Variants in PIBF1 observed in about 807,000 individuals in gnomAD.
PIBF1 encodes progesterone-induced-blocking factor 1.
In PIBF1, 90 loss-of-function variants were observed where a neutral mutation model predicts 112.5. The ratio of observed to expected loss-of-function variants is 0.80; its 90% CI spans 0.67 to 0.95. The LOEUF (loss-of-function observed/expected upper bound fraction) is 0.95, where lower values mean the gene tolerates loss of function less well. Ranked by LOEUF, PIBF1 falls within the 40% of genes least tolerant of loss-of-function variation. PIBF1 has a pLI of 0.00. For missense variants in PIBF1, 915 were observed against 852.3 expected, an observed-to-expected ratio of 1.07 and a Z score of -0.92; for synonymous variants, 301 against 288.6, an observed-to-expected ratio of 1.04 and a Z score of -0.44.
At chr13:72,790,454 CACACACACACTT>C (rs1253396469) in intron 2 of PIBF1, among the ~76,000 whole-genome samples, 5 of 149,132 alleles carry the variant, frequency 3.4e-5, no homozygotes, top group Non-Finnish European at 7.4e-5. Flanking sequence ...CACACACACA[CACACACACACTT>C]ATAGATAGAT....
chr13:72,875,567 G>A (rs1231003556), intron 10 of PIBF1, among the ~76,000 whole-genome samples: 1 of 152,156 alleles, frequency 6.6e-6, no homozygotes, highest in Non-Finnish European at 1.5e-5. Context: ...CAGTGAATGA[G>A]AATTCCTGTT....
intron 10 of PIBF1, among the ~76,000 whole-genome samples, chr13:72,885,686 A>G (rs1182465359): frequency 2.0e-5 from 3 of 152,202 alleles, no homozygotes; most frequent in East Asian, 3.9e-4. Context: ...TCCAGAACTC[A>G]ACATGCCCAA....
intron 9 of PIBF1, 33 bp downstream of exon 9, chr13:72,835,401 ATTT>A (rs758936653): frequency 6.7e-7 from 1 of 1,496,454 alleles, no homozygotes; most frequent in Admixed American, 2.3e-5. Flanking sequence ...ATGGTATTTT[ATTT>A]ATCTTTGGAG....
chr13:72,884,749 A>G (rs1346573605), intron 10 of PIBF1: 2 of 152,140 alleles, frequency 1.3e-5, no homozygotes, highest in Non-Finnish European at 2.9e-5. Context: ...TAATTATAAC[A>G]TAATATGTGT....
rs1224961748 is a variant in PIBF1 at position 72,854,205 on chromosome 13, G to A, written c.1322+50G>A. On this transcript the variant is annotated intron_variant, in intron 10 of 17. Coordinates refer to ENST00000326291, the MANE Select transcript of PIBF1 (RefSeq NM_006346.4). ...TTAAAACTCTTCCATTATTGTTTCTGTTACATATTCTTTTAGAAAATGTAT... is the reference window on the plus strand; with the variant it reads ...TTAAAACTCTTCCATTATTGTTTCTATTACATATTCTTTTAGAAAATGTAT... 4.3e-6 allele frequency: 5 copies of A among 1,159,538 alleles called. No homozygotes were observed. In the Admixed American group the frequency reaches 7.1e-5, roughly 17 times the overall value. The allele number at this position is 1,159,538 out of a possible 1,614,324, so 71.8% of individuals were successfully genotyped here.
At chr13:73,012,122 C>T (rs111537727) in intron 17 of PIBF1, among the ~76,000 whole-genome samples, 19,298 of 152,106 alleles carry the variant, frequency 0.13, 1,606 homozygotes, top group Non-Finnish European at 0.18. Context: ...GAGGCCGAGG[C>T]GAGCAGATCA....
At chr13:72,807,323 TCAG>T (rs2035788938) in intron 5 of PIBF1, among the ~76,000 whole-genome samples, 1 of 152,176 alleles carries the variant, frequency 6.6e-6, no homozygotes, top group South Asian at 2.1e-4. Context: ...GCCTGTAATC[TCAG>T]CACTTTGAGA....
intron 16 of PIBF1, among the ~76,000 whole-genome samples, chr13:72,986,631 C>G (rs2043294954): frequency 1.3e-5 from 2 of 151,320 alleles, no homozygotes; most frequent in Non-Finnish European, 1.5e-5. Context: ...TCTCACTAAG[C>G]CTTCAGTCAT....
chr13:72,972,003 C>CATTCATTTATTT (rs2042904715), intron 15 of PIBF1, among the ~76,000 whole-genome samples: 1 of 138,740 alleles, frequency 7.2e-6, no homozygotes, highest in Non-Finnish European at 1.5e-5. Flanking sequence ...TAGTGGCTTT[C>CATTCATTTATTT]ATTTATTTAT....
chr13:72,846,351 T>G (rs982289685), intron 9 of PIBF1, among the ~76,000 whole-genome samples: 2 of 152,182 alleles, frequency 1.3e-5, no homozygotes, highest in African/African-American at 4.8e-5. Flanking sequence ...TCACGTATAT[T>G]ACCTTGCTTC....
At chr13:72,974,054 T>G in intron 16 of PIBF1, 1 of 235,268 alleles carries the variant, frequency 4.3e-6, no homozygotes, top group Non-Finnish European at 8.1e-6. Context: ...AAAATTATTT[T>G]CTTTTCTTCA....
chr13:72,889,632 C>T (rs1409214542), intron 10 of PIBF1, among the ~76,000 whole-genome samples: 1 of 152,146 alleles, frequency 6.6e-6, no homozygotes, highest in Non-Finnish European at 1.5e-5. Flanking sequence ...ACTTCTCTTG[C>T]CAGTCTACCT....
chr13:72,886,068 A>G (rs1455774528), intron 10 of PIBF1, among the ~76,000 whole-genome samples: 4 of 152,142 alleles, frequency 2.6e-5, no homozygotes, highest in Admixed American at 1.3e-4. Flanking sequence ...TATGTTAACC[A>G]TAGTAAATTC....
chr13:72,806,447 C>T (rs1487635855), intron 5 of PIBF1, among the ~76,000 whole-genome samples: 2 of 151,756 alleles, frequency 1.3e-5, no homozygotes, highest in Non-Finnish European at 2.9e-5. Context: ...CGTAGGTATA[C>T]TCCTGCCATG....
intron 6 of PIBF1, 141 bp from the exon 7 acceptor site, chr13:72,826,869 C>A: frequency 2.2e-6 from 1 of 453,956 alleles, no homozygotes; most frequent in Non-Finnish European, 4.0e-6. Context: ...AAAGTAGGTA[C>A]TTTATAGTTC....
intron 10 of PIBF1, among the ~76,000 whole-genome samples, chr13:72,854,687 T>C (rs1033424408): frequency 2.0e-5 from 3 of 152,190 alleles, no homozygotes; most frequent in African/African-American, 7.2e-5. Context: ...TTTTTGAAAG[T>C]GTGTGTTTTT....
intron 11 of PIBF1, among the ~76,000 whole-genome samples, chr13:72,904,093 A>G (rs985711855): frequency 6.8e-5 from 10 of 147,084 alleles, no homozygotes; most frequent in Admixed American, 6.2e-4. Context: ...TGGGTAAAAG[A>G]TTTTTTTTTT....
At chr13:72,826,731 C>A (rs1168463257) in intron 6 of PIBF1, among the ~76,000 whole-genome samples, 3 of 151,794 alleles carry the variant, frequency 2.0e-5, no homozygotes, top group Non-Finnish European at 4.4e-5. Flanking sequence ...TGAAAAAATA[C>A]CAAATGTATG....
chr13:72,908,847 G>A (rs1271720633), intron 12 of PIBF1, among the ~76,000 whole-genome samples, 166 bp downstream of exon 12: 2 of 148,514 alleles, frequency 1.3e-5, no homozygotes, highest in Non-Finnish European at 1.5e-5. Context: ...TCAGGAGTTC[G>A]AGACCAGCCT....
Sources: gnomAD v4.1 joint callset for allele counts (sites outside exome capture counted in the v4.1 genomes callset) on GRCh38, gnomAD v4.1.1 for gene constraint, MANE v1.5 for transcripts, NCBI Gene and HGNC (gene_info 2026-07-23, HGNC 2026-07-21) for gene names.